The following RTTN variants were observed in gnomAD, a reference collection of about 807,000 sequenced individuals.
RTTN encodes the protein rotatin.
In RTTN, 182 loss-of-function variants were observed where a neutral mutation model predicts 269.2. That is an observed-to-expected ratio of 0.68 (90% CI 0.60 to 0.76). The LOEUF is 0.76. Among genes scored for constraint, RTTN ranks in the 30% least tolerant of loss-of-function variants. The pLI, the probability that RTTN is intolerant of heterozygous loss-of-function variation, is 0.00. For synonymous variants in RTTN, 1,006 were observed against 963.5 expected (o/e 1.04, Z -0.82); for missense variants, 2,545 against 2,608.6 (o/e 0.98, Z 0.53).
intron 40 of RTTN, among the ~76,000 whole-genome samples, chr18:70,034,494 T>C (rs1269079003): frequency 1.3e-5 from 2 of 152,148 alleles, no homozygotes; most frequent in East Asian, 3.9e-4. Context: ...AAATTCAACA[T>C]CTTTTCATAT....
Position 70,074,055 on chromosome 18 carries a change from A to G in RTTN, c.4565-61T>C. The G allele has an allele frequency of 4.3e-6, 5 of 1,173,000 alleles. No individual in the cohort carries two copies. In the Admixed American group the frequency reaches 8.9e-5, roughly 21 times the overall value. The allele number at this position is 1,173,000 out of a possible 1,614,324, so 72.7% of individuals were successfully genotyped here. On this transcript the variant is annotated intron_variant, in intron 33 of 48. Coordinates refer to ENST00000640769, the MANE Select transcript of RTTN (RefSeq NM_173630.4). Reference sequence around the variant, plus strand: ...TCCTAGGAACTGTAACAATTAATTAAAAGGGTACGCATTACAGGAAACCAA... The same window carrying G: ...TCCTAGGAACTGTAACAATTAATTAGAAGGGTACGCATTACAGGAAACCAA...
At chr18:70,092,252 G>A in intron 29 of RTTN, 32 bp from the exon 30 acceptor site, 1 of 1,328,292 alleles carries the variant, frequency 7.5e-7, no homozygotes, top group Non-Finnish European at 1.1e-6. Context: ...AGAAATATTT[G>A]AGGTAAGTTT....
chr18:70,089,522 G>C (rs2058786265), intron 30 of RTTN, among the ~76,000 whole-genome samples: 1 of 152,186 alleles, frequency 6.6e-6, no homozygotes, highest in Non-Finnish European at 1.5e-5. Context: ...GTACCAAGGA[G>C]TGGGGATGCT....
intron 10 of RTTN, among the ~76,000 whole-genome samples, chr18:70,184,114 A>T (rs532873557): frequency 6.6e-6 from 1 of 152,376 alleles, no homozygotes; most frequent in Non-Finnish European, 1.5e-5. Context: ...GAAAAGGTCC[A>T]GCATCCAATC....
chr18:70,049,808 A>G (rs575746564), intron 39 of RTTN, among the ~76,000 whole-genome samples: 2 of 152,324 alleles, frequency 1.3e-5, no homozygotes, highest in South Asian at 4.1e-4. Flanking sequence ...TTAGTGGGCA[A>G]CTATCATGAA....
chr18:70,191,953 G>A (rs979454792), intron 8 of RTTN, among the ~76,000 whole-genome samples: 1 of 152,058 alleles, frequency 6.6e-6, no homozygotes, highest in African/African-American at 2.4e-5. Flanking sequence ...GAAAAACATG[G>A]CTGAACAACC....
intron 46 of RTTN, among the ~76,000 whole-genome samples, chr18:70,016,447 G>C (rs569878416): frequency 1.3e-5 from 2 of 152,238 alleles, no homozygotes; most frequent in South Asian, 4.1e-4. Flanking sequence ...GGCCCAGCGA[G>C]GCTGCACCAG....
At chr18:70,058,449 C>T (rs1036489736) in intron 36 of RTTN, among the ~76,000 whole-genome samples, 16 of 152,082 alleles carry the variant, frequency 1.1e-4, no homozygotes, top group South Asian at 2.1e-4. Flanking sequence ...ACCCAGGAGG[C>T]GGAGGTTGCA....
chr18:70,143,276 C>A (rs2060305696), intron 18 of RTTN, among the ~76,000 whole-genome samples: 1 of 151,936 alleles, frequency 6.6e-6, no homozygotes, highest in Non-Finnish European at 1.5e-5. Flanking sequence ...AATCATTCTA[C>A]CATAAAGACA....
At chr18:70,037,347 C>T (rs542352822) in intron 40 of RTTN, among the ~76,000 whole-genome samples, 42 of 152,236 alleles carry the variant, frequency 2.8e-4, no homozygotes, top group African/African-American at 8.9e-4. Context: ...CAGTGCGGCT[C>T]GCAGCAACAA....
chr18:70,108,363 T>C (rs1440459363), intron 28 of RTTN, among the ~76,000 whole-genome samples: 1 of 152,022 alleles, frequency 6.6e-6, no homozygotes. Context: ...GATCAAATTC[T>C]ACCTAACATT....
At chr18:70,171,149 C>T (rs1283868102) in intron 11 of RTTN, among the ~76,000 whole-genome samples, 1 of 152,164 alleles carries the variant, frequency 6.6e-6, no homozygotes, top group Non-Finnish European at 1.5e-5. Context: ...ATAAATTTGG[C>T]AGGCATCAAC....
chr18:70,180,573 C>A (rs2061400740), intron 10 of RTTN, among the ~76,000 whole-genome samples: 1 of 141,638 alleles, frequency 7.1e-6, no homozygotes. Flanking sequence ...CAGAGTGAGA[C>A]TCTGAGTCTG....
At chr18:70,091,110 A>C (rs1265814071) in intron 30 of RTTN, among the ~76,000 whole-genome samples, 1 of 152,164 alleles carries the variant, frequency 6.6e-6, no homozygotes, top group Non-Finnish European at 1.5e-5. Context: ...CTGGAGACTT[A>C]CCCAGATGTG....
intron 32 of RTTN, among the ~76,000 whole-genome samples, chr18:70,082,086 A>G (rs1005500296): frequency 6.6e-6 from 1 of 152,162 alleles, no homozygotes; most frequent in African/African-American, 2.4e-5. Context: ...TAAAGTTTAA[A>G]AAGTCTGTGT....
In RTTN at chr18:70,054,207, C is replaced by A. The variant is rs2057752655; in HGVS notation, c.5109G>T (p.Val1703=). The A allele has an allele frequency of 4.3e-6, 7 of 1,613,766 alleles. No homozygotes were observed. Among genetic ancestry groups the A allele is most frequent in the Non-Finnish European group, 5.9e-6 (7 of 1,179,778 alleles). The stretch of plus-strand genomic sequence containing the variant: ...GAGGTTTCACAAGCTCATCCTGAAT[C>A]ACAAGGTCAGGCTCCACCAATAAAC... ...QSCLLVEPDL[V]IQDELVKPLI... Residue 1703 remains valine (V), a synonymous_variant, in exon 38 of 49, where the codon GTG becomes GTT. Coordinates refer to ENST00000640769, the MANE Select transcript of RTTN (RefSeq NM_173630.4).
At position 70,176,818 on chromosome 18, in the gene RTTN, C is replaced by T. The variant is rs758472910; in HGVS notation, c.1333G>A (p.Ala445Thr). 2.9e-5 allele frequency: 47 copies of T among 1,613,424 alleles called. No homozygotes were observed. The highest frequency in any genetic ancestry group is 3.8e-5 in the Non-Finnish European group (45 of 1,179,726). ...MKEKLLLVLG[A>T]LGETMCYHKS... Reference sequence around the variant, plus strand: ...TGGTAGCACATGGTTTCTCCAAGGGCTCCCAACACCAGGAGTAGTTTCTCC... The same window carrying T: ...TGGTAGCACATGGTTTCTCCAAGGGTTCCCAACACCAGGAGTAGTTTCTCC... The change falls in exon 11 of 49, where the codon GCC becomes ACC. Residue 445 changes from alanine to threonine, a missense_variant. Physicochemically the swap from Ala to Thr is moderately conservative, Grantham distance 58. Transcript: ENST00000640769.
intron 9 of RTTN, among the ~76,000 whole-genome samples, chr18:70,189,057 C>G (rs1253513965): frequency 2.6e-5 from 4 of 152,058 alleles, no homozygotes; most frequent in African/African-American, 7.2e-5. Context: ...TTTTATGTAC[C>G]AAGATATAGC....
In RTTN at chr18:70,041,466, C is replaced by T. The variant is rs144936155; in HGVS notation, c.5541+6505G>A. Among the ~76,000 whole-genome samples the T allele has an allele frequency of 4.5e-3, 687 of 152,068 alleles. 5 individuals carry two copies. Among genetic ancestry groups the T allele is most frequent in the African/African-American group, 0.016 (648 of 41,470 alleles). On this transcript the variant is annotated intron_variant, in intron 40 of 48. Transcript: ENST00000640769. Reference sequence around the variant, plus strand: ...GTATTAGGCTTGGGAAACTTGAATTCTAAGTGGTGAGTGGGGAAAGCTGAA... The same window carrying T: ...GTATTAGGCTTGGGAAACTTGAATTTTAAGTGGTGAGTGGGGAAAGCTGAA...
Sources: allele counts gnomAD v4.1 joint callset (sites outside exome capture counted in the v4.1 genomes callset), GRCh38; gene constraint gnomAD v4.1.1; transcripts MANE v1.5; gene names NCBI Gene and HGNC (gene_info 2026-07-23, HGNC 2026-07-21).